The following RALGPS2 variants were observed in gnomAD, a reference collection of about 807,000 sequenced individuals.
RALGPS2 encodes Ral GEF with PH domain and SH3 binding motif 2, also known as ras-specific guanine nucleotide-releasing factor RalGPS2.
Under a neutral mutation model 86.8 loss-of-function variants are expected in RALGPS2, and 43 were observed. That is an observed-to-expected ratio of 0.50 (90% CI 0.39 to 0.64). RALGPS2 has a LOEUF of 0.64. Among genes scored for constraint, RALGPS2 ranks in the 30% least tolerant of loss-of-function variants. The pLI, the probability that RALGPS2 is intolerant of heterozygous loss-of-function variation, is 0.00. For missense variants in RALGPS2, 536 were observed against 694.6 expected, an observed-to-expected ratio of 0.77 and a Z score of 2.57; for synonymous variants, 243 against 231.3, an observed-to-expected ratio of 1.05 and a Z score of -0.46.
At chr1:178,900,791 C>T (rs1660139086) in intron 17 of RALGPS2, among the ~76,000 whole-genome samples, 1 of 151,940 alleles carries the variant, frequency 6.6e-6, no homozygotes. Flanking sequence ...GAGGTTGTCA[C>T]CTCAAGTGAT....
intron 1 of RALGPS2, among the ~76,000 whole-genome samples, chr1:178,728,226 A>G (rs1650137460): frequency 6.6e-6 from 1 of 152,146 alleles, no homozygotes; most frequent in Admixed American, 6.5e-5. Context: ...AAATTTTAAA[A>G]TATCACCTTT....
chr1:178,883,269 T>G (rs1466783968), intron 10 of RALGPS2, among the ~76,000 whole-genome samples, 197 bp from the exon 11 acceptor site: 1 of 151,592 alleles, frequency 6.6e-6, no homozygotes, highest in Non-Finnish European at 1.5e-5. Flanking sequence ...GAAGGATCGC[T>G]TGAGCCCAGG....
chr1:178,865,793 A>C (rs1558160231), intron 8 of RALGPS2: 3 of 1,540,130 alleles, frequency 1.9e-6, no homozygotes, highest in Middle Eastern at 1.7e-4. Flanking sequence ...ATGAGGTTGT[A>C]AAATGATGTC....
chr1:178,801,703 G>A (rs1352582237), intron 4 of RALGPS2, among the ~76,000 whole-genome samples: 2 of 151,868 alleles, frequency 1.3e-5, no homozygotes, highest in Non-Finnish European at 2.9e-5. Flanking sequence ...AGAGATTGTG[G>A]ATATGGCAAA....
chr1:178,918,572 C>T lies in RALGPS2; in HGVS notation c.*2213C>T, dbSNP rs761257138. The T allele has an allele frequency of 6.6e-5, 10 of 152,066 alleles. No homozygotes were observed. Among genetic ancestry groups the T allele is most frequent in the African/African-American group, 1.2e-4 (5 of 41,508 alleles). 9.4% of individuals were successfully genotyped at this position (152,066 alleles called of 1,614,324 possible). A position where few individuals can be genotyped will look rare whatever the true frequency, so the allele number is the denominator to read the frequency against. On this transcript the variant is annotated 3_prime_UTR_variant, in exon 20 of 20. Transcript: ENST00000367635. Reference sequence around the variant, plus strand: ...GGCTCTAAACATTAATGGATGTTTGCGTAGAGTAAGATAGCGTTCAAATTT... The same window carrying T: ...GGCTCTAAACATTAATGGATGTTTGTGTAGAGTAAGATAGCGTTCAAATTT...
At chr1:178,763,770 G>A (rs1652364705) in intron 1 of RALGPS2, among the ~76,000 whole-genome samples, 1 of 151,946 alleles carries the variant, frequency 6.6e-6, no homozygotes, top group Non-Finnish European at 1.5e-5. Flanking sequence ...TTCCAGAACA[G>A]GTTGCTTAAT....
At chr1:178,851,239 T>C (rs775952338) in intron 8 of RALGPS2, 1 of 1,614,042 alleles carries the variant, frequency 6.2e-7, no homozygotes, top group Admixed American at 1.7e-5. Flanking sequence ...TGGCCTCCTC[T>C]GTACCATACT....
Position 178,916,613 on chromosome 1 carries a change from C to A in RALGPS2, c.*254C>A. 1 of 410,670 alleles carries A rather than the reference C, an allele frequency of 2.4e-6. No homozygotes were observed. Among genetic ancestry groups the A allele is most frequent in the Non-Finnish European group, 4.3e-6 (1 of 234,496 alleles). 25.4% of individuals were successfully genotyped at this position (410,670 alleles called of 1,614,324 possible). A position where few individuals can be genotyped will look rare whatever the true frequency, so the allele number is the denominator to read the frequency against. On this transcript the variant is annotated 3_prime_UTR_variant, in exon 20 of 20. Transcript: ENST00000367635. ...CAGAACTGACCTGTGGAAACCACTG[C>A]CTTAAAAGAATGAAAGGAAAACCAA...
At position 178,875,633 on chromosome 1, in the gene RALGPS2, A is replaced by G. The variant is rs983066231; in HGVS notation, c.608-1865A>G. ...CGTGGTTGCGCATGCCTGTCATCTC[A>G]GCTATTCGGGTGGCTGAGGCACAAG... On this transcript the variant is annotated intron_variant, in intron 8 of 19. Transcript: ENST00000367635. 2.6e-5 allele frequency among the ~76,000 whole-genome samples: 4 copies of G among 152,068 alleles called. No individual in the cohort carries two copies. In the East Asian group the frequency reaches 7.7e-4, roughly 29 times the overall value.
At chr1:178,743,531 A>C (rs1334021436) in intron 1 of RALGPS2, among the ~76,000 whole-genome samples, 1 of 152,238 alleles carries the variant, frequency 6.6e-6, no homozygotes, top group African/African-American at 2.4e-5. Context: ...CTAATTAGAC[A>C]AAAATCAATG....
chr1:178,733,511 T>G (rs1650512549), intron 1 of RALGPS2, among the ~76,000 whole-genome samples: 1 of 152,240 alleles, frequency 6.6e-6, no homozygotes, highest in Non-Finnish European at 1.5e-5. Context: ...AACTACAATG[T>G]GATGCCACTG....
intron 19 of RALGPS2, among the ~76,000 whole-genome samples, chr1:178,914,626 C>T (rs1399349626): frequency 6.6e-6 from 1 of 152,042 alleles, no homozygotes. Context: ...GTGGGAGAAG[C>T]TCTTCCTGGC....
intron 19 of RALGPS2, among the ~76,000 whole-genome samples, chr1:178,909,643 ATT>A (rs57890269): frequency 0.045 from 3,260 of 72,570 alleles, 61 homozygotes; most frequent in African/African-American, 0.13. Context: ...TTCTTTTTTA[ATT>A]TTTTTTTTTT....
intron 6 of RALGPS2, among the ~76,000 whole-genome samples, chr1:178,818,671 T>G (rs550591685): frequency 6.6e-6 from 1 of 152,130 alleles, no homozygotes; most frequent in Non-Finnish European, 1.5e-5. Context: ...CAGATTCTAG[T>G]CTATTATACC....
chr1:178,895,381 T>C (rs769307830), intron 16 of RALGPS2, among the ~76,000 whole-genome samples: 24 of 152,102 alleles, frequency 1.6e-4, no homozygotes, highest in Non-Finnish European at 3.4e-4. Context: ...TTTTGTGTGC[T>C]GGATGCTAGA....
At chr1:178,802,500 G>A (rs1339630784) in intron 4 of RALGPS2, among the ~76,000 whole-genome samples, 3 of 152,114 alleles carry the variant, frequency 2.0e-5, no homozygotes, top group African/African-American at 7.2e-5. Flanking sequence ...CGTGAGAACC[G>A]TGAGAAATCA....
intron 7 of RALGPS2, among the ~76,000 whole-genome samples, chr1:178,833,131 TAGGA>T (rs1263894214): frequency 1.3e-5 from 2 of 152,032 alleles, no homozygotes; most frequent in Admixed American, 6.6e-5. Flanking sequence ...TTTCTAAAAT[TAGGA>T]AGGTGATTAA....
intron 8 of RALGPS2, chr1:178,853,090 T>G: frequency 7.0e-7 from 1 of 1,431,808 alleles, no homozygotes; most frequent in Non-Finnish European, 9.1e-7. Context: ...TTTTAGTTGG[T>G]CACTTGCGTT....
chr1:178,761,547 A>G (rs1055808406), intron 1 of RALGPS2, among the ~76,000 whole-genome samples: 1 of 151,690 alleles, frequency 6.6e-6, no homozygotes, highest in Non-Finnish European at 1.5e-5. Context: ...TAAAGCTTTC[A>G]ATTGTTTTTA....
Sources: gnomAD v4.1 joint callset for allele counts (sites outside exome capture counted in the v4.1 genomes callset) on GRCh38, gnomAD v4.1.1 for gene constraint, MANE v1.5 for transcripts, NCBI Gene and HGNC (gene_info 2026-07-23, HGNC 2026-07-21) for gene names.